The following KLHL1 variants were observed in gnomAD, a reference collection of about 807,000 sequenced individuals.
KLHL1 encodes kelch-like protein 1.
KLHL1 carries 47 observed loss-of-function variants against 77.7 expected under a neutral mutation model. The ratio of observed to expected loss-of-function variants is 0.60; its 90% CI spans 0.48 to 0.77. The LOEUF is 0.77. Among genes scored for constraint, KLHL1 ranks in the 30% least tolerant of loss-of-function variants. The pLI is 0.00. For missense variants in KLHL1, 925 were observed against 910.8 expected, an observed-to-expected ratio of 1.02 and a Z score of -0.20; for synonymous variants, 360 against 325.2, an observed-to-expected ratio of 1.11 and a Z score of -1.15.
chr13:70,013,277 A>T (rs554866018), intron 1 of KLHL1, among the ~76,000 whole-genome samples: 30 of 152,320 alleles, frequency 2.0e-4, no homozygotes, highest in Admixed American at 5.2e-4. Context: ...AACACTTCCA[A>T]CAAAAAAGAG....
intron 2 of KLHL1, among the ~76,000 whole-genome samples, chr13:69,969,055 GA>G (rs1884306491): frequency 1.1e-5 from 1 of 92,588 alleles, no homozygotes; most frequent in East Asian, 2.8e-4. Flanking sequence ...CTTTTTAGGA[GA>G]TTTTTTTTCA....
At chr13:69,817,492 A>C (rs1353672972) in intron 6 of KLHL1, among the ~76,000 whole-genome samples, 1 of 152,214 alleles carries the variant, frequency 6.6e-6, no homozygotes, top group Non-Finnish European at 1.5e-5. Flanking sequence ...AGATTTACTC[A>C]TTTTAAAATG....
At chr13:70,091,800 G>T (rs576685764) in intron 1 of KLHL1, among the ~76,000 whole-genome samples, 1 of 152,196 alleles carries the variant, frequency 6.6e-6, no homozygotes, top group East Asian at 1.9e-4. Context: ...TGTAGGTGCC[G>T]CCTAAACTAC....
intron 1 of KLHL1, among the ~76,000 whole-genome samples, chr13:69,985,254 A>G (rs1018655817): frequency 6.6e-6 from 1 of 152,164 alleles, no homozygotes; most frequent in Non-Finnish European, 1.5e-5. Context: ...CAGAATATAT[A>G]AGAAACTCAA....
chr13:70,011,229 G>C (rs1398477689), intron 1 of KLHL1, among the ~76,000 whole-genome samples: 2 of 152,076 alleles, frequency 1.3e-5, no homozygotes, highest in Non-Finnish European at 2.9e-5. Context: ...CAAATGCCAA[G>C]TAAAGAAAAT....
In KLHL1 at chr13:69,825,560, A is replaced by G. The variant is rs1357355706; in HGVS notation, c.1414+13416T>C. Among the ~76,000 whole-genome samples, 4 of 152,190 alleles carry G rather than the reference A, an allele frequency of 2.6e-5. No individual in the cohort carries two copies. In the East Asian group the frequency reaches 7.7e-4, roughly 29 times the overall value. ...ATTTATATTTTGTATTTTAATGATC[A>G]TGCTAAAAGTCATGATAAATTAATT... On this transcript the variant is annotated intron_variant, in intron 6 of 10. Coordinates refer to ENST00000377844, the MANE Select transcript of KLHL1 (RefSeq NM_020866.3).
Position 69,906,074 on chromosome 13 carries a change from A to G in KLHL1, c.1015-23579T>C, listed in dbSNP as rs369423658. Among the ~76,000 whole-genome samples, 15 of 152,172 alleles carry G rather than the reference A, an allele frequency of 9.9e-5. No homozygotes were observed. In the East Asian group the frequency reaches 2.9e-3, roughly 29 times the overall value. On this transcript the variant is annotated intron_variant, in intron 4 of 10. Transcript: ENST00000377844. ...ATTTTGATTAGCTAAGTGGCTTCAC[A>G]TTGGGAATTTTCAGTAGGTAAATAC...
chr13:69,845,847 T>C (rs1362580364), intron 5 of KLHL1, among the ~76,000 whole-genome samples: 1 of 151,418 alleles, frequency 6.6e-6, no homozygotes, highest in Non-Finnish European at 1.5e-5. Flanking sequence ...TCATTTCTAA[T>C]ATTACTGCTT....
intron 7 of KLHL1, among the ~76,000 whole-genome samples, chr13:69,784,506 G>GAAAAC (rs1371487074): frequency 6.6e-6 from 1 of 151,358 alleles, no homozygotes; most frequent in East Asian, 1.9e-4. Flanking sequence ...CAAGCAAATG[G>GAAAAC]AAAACAAAAA....
At chr13:69,817,924 A>G (rs368230043) in intron 6 of KLHL1, among the ~76,000 whole-genome samples, 9 of 152,206 alleles carry the variant, frequency 5.9e-5, no homozygotes, top group African/African-American at 2.2e-4. Flanking sequence ...GAGGTTCAAA[A>G]CCCTCTATTA....
At chr13:69,715,835 A>C (rs1208112367) in intron 9 of KLHL1, among the ~76,000 whole-genome samples, 2 of 152,152 alleles carry the variant, frequency 1.3e-5, no homozygotes, top group African/African-American at 4.8e-5. Context: ...AAGGGAGAAG[A>C]AGCACATCAC....
rs146455026 is a variant in KLHL1 at position 70,058,136 on chromosome 13, T to A, written c.497+49067A>T. On this transcript the variant is annotated intron_variant, in intron 1 of 10. Transcript: ENST00000377844. Reference sequence around the variant, plus strand: ...GACAGTCCCACAGGTAGTATCATACTGAATGCAGAAAAGCTGAAAGTCTTT... The same window carrying A: ...GACAGTCCCACAGGTAGTATCATACAGAATGCAGAAAAGCTGAAAGTCTTT... Among the ~76,000 whole-genome samples, 84 of 152,300 alleles carry A rather than the reference T, an allele frequency of 5.5e-4. 2 individuals are homozygous for A. The East Asian group carries it at 0.011, about 20-fold the overall frequency.
chr13:69,931,954 C>T lies in KLHL1; in HGVS notation c.1014+8086G>A, dbSNP rs373672412. On this transcript the variant is annotated intron_variant, in intron 4 of 10. Coordinates refer to ENST00000377844, the MANE Select transcript of KLHL1 (RefSeq NM_020866.3). Reference sequence around the variant, plus strand: ...GGAGGTACAATAATAAAATTAGGCACAAAAATATTTTAAATTATTGTAGGA... The same window carrying T: ...GGAGGTACAATAATAAAATTAGGCATAAAAATATTTTAAATTATTGTAGGA... 1.7e-4 allele frequency among the ~76,000 whole-genome samples: 26 copies of T among 151,744 alleles called. No individual in the cohort carries two copies. In the East Asian group the frequency reaches 5.0e-3, roughly 29 times the overall value.
At chr13:69,759,222 A>C (rs1391084110) in intron 7 of KLHL1, among the ~76,000 whole-genome samples, 1 of 152,162 alleles carries the variant, frequency 6.6e-6, no homozygotes, top group African/African-American at 2.4e-5. Flanking sequence ...AGACCTCAGA[A>C]TCTAGAGACT....
At chr13:69,922,683 G>A (rs1029407451) in intron 4 of KLHL1, among the ~76,000 whole-genome samples, 4 of 151,862 alleles carry the variant, frequency 2.6e-5, no homozygotes, top group Admixed American at 1.3e-4. Context: ...ATATTTATAG[G>A]GATACAGATA....
In KLHL1 at chr13:70,016,096, A is replaced by C. The variant is rs535454990; in HGVS notation, c.498-40294T>G. ...ATTTGTAAATAAAGCATTCATCTCT[A>C]TATGAGAAAGAACACCCTCAAAAAC... On this transcript the variant is annotated intron_variant, in intron 1 of 10. Transcript: ENST00000377844. Among the ~76,000 whole-genome samples, 185 of 152,368 alleles carry C rather than the reference A, an allele frequency of 1.2e-3. 3 individuals carry two copies. Among genetic ancestry groups the C allele is most frequent in the Middle Eastern group, 6.8e-3 (2 of 294 alleles).
chr13:69,906,941 C>T (rs1029045453), intron 4 of KLHL1, among the ~76,000 whole-genome samples: 2 of 151,960 alleles, frequency 1.3e-5, no homozygotes, highest in Non-Finnish European at 2.9e-5. Context: ...ATCATCTATG[C>T]TATTTTGCAA....
At position 69,876,649 on chromosome 13, in the gene KLHL1, C is replaced by A. The variant is rs547893206; in HGVS notation, c.1227+5634G>T. On this transcript the variant is annotated intron_variant, in intron 5 of 10. Transcript: ENST00000377844. Reference sequence around the variant, plus strand: ...AAATGTACATGCACATAAACACTCACAAACACACACACACATTGCTATATA... The same window carrying A: ...AAATGTACATGCACATAAACACTCAAAAACACACACACACATTGCTATATA... Among the ~76,000 whole-genome samples, 14 of 152,018 alleles carry A rather than the reference C, an allele frequency of 9.2e-5. 1 individual carries two copies. Among genetic ancestry groups the A allele is most frequent in the African/African-American group, 3.1e-4 (13 of 41,372 alleles).
At chr13:69,795,068 A>G (rs1877043918) in intron 7 of KLHL1, among the ~76,000 whole-genome samples, 1 of 152,196 alleles carries the variant, frequency 6.6e-6, no homozygotes. Context: ...TCAACTGATC[A>G]TAAAGGAATA....
Sources: allele counts gnomAD v4.1 joint callset (sites outside exome capture counted in the v4.1 genomes callset), GRCh38; gene constraint gnomAD v4.1.1; transcripts MANE v1.5; gene names NCBI Gene and HGNC (gene_info 2026-07-23, HGNC 2026-07-21).